The following ZDHHC17 variants were observed in gnomAD, a reference collection of about 807,000 sequenced individuals.
ZDHHC17 encodes palmitoyltransferase ZDHHC17.
ZDHHC17 carries 40 observed loss-of-function variants against 90.3 expected under a neutral mutation model. That is an observed-to-expected ratio of 0.44 (90% CI 0.34 to 0.58). The LOEUF (loss-of-function observed/expected upper bound fraction) is 0.58, where lower values mean the gene tolerates loss of function less well. Among genes scored for constraint, ZDHHC17 ranks in the 20% least tolerant of loss-of-function variants. The pLI is 0.01. For missense variants in ZDHHC17, 614 were observed against 780.8 expected, an observed-to-expected ratio of 0.79 and a Z score of 2.55; for synonymous variants, 235 against 252.4, an observed-to-expected ratio of 0.93 and a Z score of 0.65.
At position 76,764,213 on chromosome 12, in the gene ZDHHC17, G is replaced by T. The variant is rs1160894096; in HGVS notation, c.-24G>T. The stretch of plus-strand genomic sequence containing the variant: ...GCCCTCCGCCTCGCCCGAGCCCCGG[G>T]AGGGTGAAACGCTTTCTCCCAGCAT... On this transcript the variant is annotated 5_prime_UTR_variant, in exon 1 of 17. Coordinates refer to ENST00000426126, the MANE Select transcript of ZDHHC17 (RefSeq NM_015336.4). The T allele has an allele frequency of 1.9e-6, 3 of 1,558,342 alleles. No individual in the cohort carries two copies. The highest frequency in any genetic ancestry group is 2.6e-6 in the Non-Finnish European group (3 of 1,150,852).
chr12:76,828,724 T>G (rs1322432826), intron 10 of ZDHHC17, among the ~76,000 whole-genome samples: 1 of 152,172 alleles, frequency 6.6e-6, no homozygotes, highest in African/African-American at 2.4e-5. Flanking sequence ...TATTGAGTGT[T>G]TAAAAGGCAT....
chr12:76,764,169 TCGCGCTCGCCC>T lies in ZDHHC17; in HGVS notation c.-56_-46del, dbSNP rs1162457417. ...AGGCCCGCGTCGCCTCCGGCGGGGC[TCGCGCTCGCCC>T]CGCGCTCGCCCTCCGCCTCGCCCGA... On this transcript the variant is annotated 5_prime_UTR_variant, in exon 1 of 17. Transcript: ENST00000426126. 1.7e-4 allele frequency: 154 copies of T among 920,654 alleles called. 1 individual carries two copies. In the South Asian group the frequency reaches 2.2e-3, roughly 13 times the overall value. 57.0% of individuals were successfully genotyped at this position (920,654 alleles called of 1,614,324 possible).
chr12:76,842,502 A>G (rs1347076698), intron 11 of ZDHHC17, among the ~76,000 whole-genome samples: 1 of 152,234 alleles, frequency 6.6e-6, no homozygotes, highest in Non-Finnish European at 1.5e-5. Context: ...ATATTTGTAT[A>G]TACCATCCAG....
At chr12:76,824,565 A>G (rs201136494) in intron 8 of ZDHHC17, among the ~76,000 whole-genome samples, 1 of 150,028 alleles carries the variant, frequency 6.7e-6, no homozygotes, top group Non-Finnish European at 1.5e-5. Context: ...ACTAAAAAAG[A>G]AAGTAGTGAC....
intron 2 of ZDHHC17, among the ~76,000 whole-genome samples, chr12:76,799,098 A>G (rs189485387): frequency 3.4e-4 from 51 of 152,232 alleles, no homozygotes; most frequent in African/African-American, 8.7e-4. Context: ...AGTCATGCCA[A>G]TACACTCCAG....
At chr12:76,772,085 G>A (rs117426622) in intron 1 of ZDHHC17, among the ~76,000 whole-genome samples, 1,683 of 152,280 alleles carry the variant, frequency 0.011, 11 homozygotes, top group Non-Finnish European at 0.017. Context: ...AATTTTGCAT[G>A]TATATTCATT....
intron 7 of ZDHHC17, 96 bp from the exon 8 acceptor site, chr12:76,822,310 G>A (rs1953173171): frequency 6.7e-7 from 1 of 1,483,982 alleles, no homozygotes; most frequent in Non-Finnish European, 9.2e-7. Context: ...AACGTTAATA[G>A]GGCAGTAAAT....
chr12:76,795,680 A>G (rs936882929), intron 1 of ZDHHC17, among the ~76,000 whole-genome samples: 1 of 152,224 alleles, frequency 6.6e-6, no homozygotes, highest in East Asian at 1.9e-4. Context: ...TGGAGAAATT[A>G]AATAGAAAAG....
chr12:76,774,351 C>T (rs1035182424), intron 1 of ZDHHC17, among the ~76,000 whole-genome samples: 7 of 151,902 alleles, frequency 4.6e-5, no homozygotes, highest in African/African-American at 9.7e-5. Flanking sequence ...CACACACACA[C>T]GCCCCCCCAC....
intron 1 of ZDHHC17, among the ~76,000 whole-genome samples, chr12:76,786,781 A>T (rs1952692888): frequency 7.3e-6 from 1 of 136,502 alleles, no homozygotes; most frequent in Non-Finnish European, 1.6e-5. Flanking sequence ...GGATGGTGGA[A>T]AGGAAAAAAA....
chr12:76,804,254 C>T (rs1220422003), intron 2 of ZDHHC17, among the ~76,000 whole-genome samples: 1 of 152,136 alleles, frequency 6.6e-6, no homozygotes, highest in East Asian at 1.9e-4. Flanking sequence ...AGGGGACTAG[C>T]ACAGAGATTA....
chr12:76,834,616 T>C (rs1953342522), intron 10 of ZDHHC17, among the ~76,000 whole-genome samples: 1 of 152,218 alleles, frequency 6.6e-6, no homozygotes, highest in Non-Finnish European at 1.5e-5. Flanking sequence ...TCACCACTTT[T>C]CATGAATTTT....
chr12:76,809,317 A>G (rs1952992721), intron 4 of ZDHHC17, among the ~76,000 whole-genome samples, 197 bp downstream of exon 4: 2 of 151,634 alleles, frequency 1.3e-5, no homozygotes, highest in Admixed American at 1.3e-4. Context: ...TTCCCTGGCC[A>G]TGCTGATATT....
At chr12:76,774,057 C>G (rs1438297034) in intron 1 of ZDHHC17, among the ~76,000 whole-genome samples, 1 of 152,002 alleles carries the variant, frequency 6.6e-6, no homozygotes, top group Non-Finnish European at 1.5e-5. Flanking sequence ...CCAGACCAGC[C>G]TGGGAAGCAG....
intron 5 of ZDHHC17, among the ~76,000 whole-genome samples, chr12:76,811,219 T>G (rs1953014860): frequency 6.6e-6 from 1 of 152,186 alleles, no homozygotes; most frequent in Admixed American, 6.5e-5. Flanking sequence ...GCCAGGTTTA[T>G]GGGGGGTCAT....
At chr12:76,833,725 G>A (rs755394398) in intron 10 of ZDHHC17, among the ~76,000 whole-genome samples, 24 of 152,146 alleles carry the variant, frequency 1.6e-4, no homozygotes, top group Non-Finnish European at 3.1e-4. Context: ...CTGGGGATGC[G>A]GAGCTTGCAG....
At position 76,851,750 on chromosome 12, in the gene ZDHHC17, T is replaced by A. The variant is rs1953570287; in HGVS notation, c.*765T>A. On this transcript the variant is annotated 3_prime_UTR_variant, in exon 17 of 17. Transcript: ENST00000426126. ...ATGACACACCACATAGAATGTATACTAGCAGATACTATCCAGTGAAGCATA... is the reference window on the plus strand; with the variant it reads ...ATGACACACCACATAGAATGTATACAAGCAGATACTATCCAGTGAAGCATA... 6.6e-6 allele frequency: 1 copy of A among 152,666 alleles called. No homozygotes were observed. The highest frequency in any genetic ancestry group is 1.5e-5 in the Non-Finnish European group (1 of 68,050). 9.5% of individuals were successfully genotyped at this position (152,666 alleles called of 1,614,324 possible). A position where few individuals can be genotyped will look rare whatever the true frequency, so the allele number is the denominator to read the frequency against.
chr12:76,800,667 C>A (rs1352611543), intron 2 of ZDHHC17, among the ~76,000 whole-genome samples: 1 of 152,120 alleles, frequency 6.6e-6, no homozygotes, highest in East Asian at 1.9e-4. Context: ...GCCACTCTTG[C>A]TCTCCTCTGG....
Position 76,849,431 on chromosome 12 carries a change from A to G in ZDHHC17, c.1721A>G (p.His574Arg). ...NERMNARRYK[H>R]FKVTTTSIES... ...AGAATGAATGCCAGGAGATACAAGC[A>G]CTTTAAAGTCACAACAACGTCTATT... Residue 574 changes from histidine to arginine, a missense_variant, in exon 16 of 17, where the codon CAC becomes CGC. His to Arg is a conservative substitution (Grantham distance 29). Coordinates refer to ENST00000426126, the MANE Select transcript of ZDHHC17 (RefSeq NM_015336.4). 1 of 1,557,030 alleles carries G rather than the reference A, an allele frequency of 6.4e-7. No individual in the cohort carries two copies. Among genetic ancestry groups the G allele is most frequent in the Non-Finnish European group, 8.7e-7 (1 of 1,149,386 alleles).
Sources: allele counts gnomAD v4.1 joint callset (sites outside exome capture counted in the v4.1 genomes callset), GRCh38; gene constraint gnomAD v4.1.1; transcripts MANE v1.5; gene names NCBI Gene and HGNC (gene_info 2026-07-23, HGNC 2026-07-21).